Variants in CARMIL1 observed in about 807,000 individuals in gnomAD.
CARMIL1 encodes the protein capping protein regulator and myosin 1 linker 1.
Under a neutral mutation model 177.1 loss-of-function variants are expected in CARMIL1, and 90 were observed. The ratio of observed to expected loss-of-function variants is 0.51; its 90% CI spans 0.43 to 0.61. CARMIL1 has a LOEUF of 0.61. Among genes scored for constraint, CARMIL1 ranks in the 20% least tolerant of loss-of-function variants. The pLI is 0.00. For missense variants in CARMIL1, 1,380 were observed against 1,667.0 expected, an observed-to-expected ratio of 0.83 and a Z score of 3.00; for synonymous variants, 577 against 606.2, an observed-to-expected ratio of 0.95 and a Z score of 0.71.
At chr6:25,288,009 G>A (rs1198828280) in intron 2 of CARMIL1, among the ~76,000 whole-genome samples, 2 of 152,198 alleles carry the variant, frequency 1.3e-5, no homozygotes, top group Non-Finnish European at 2.9e-5. Context: ...TAGTTGGGGA[G>A]GTAAACATGT....
At chr6:25,589,650 G>C (rs759772482) in intron 31 of CARMIL1, among the ~76,000 whole-genome samples, 9 of 152,066 alleles carry the variant, frequency 5.9e-5, no homozygotes, top group Non-Finnish European at 1.2e-4. Context: ...ACCACACTCT[G>C]CTAATTTTTG....
rs74864210 is a variant in CARMIL1 at position 25,505,471 on chromosome 6, G to T, written c.1396-4185G>T. Among the ~76,000 whole-genome samples the T allele has an allele frequency of 9.3e-3, 1,415 of 151,958 alleles. 17 individuals are homozygous for T. Among genetic ancestry groups the T allele is most frequent in the African/African-American group, 0.029 (1,207 of 41,422 alleles). On this transcript the variant is annotated intron_variant, in intron 17 of 36. Coordinates refer to ENST00000329474, the MANE Select transcript of CARMIL1 (RefSeq NM_017640.6). The stretch of plus-strand genomic sequence containing the variant: ...CTTTCATTCTCTCTTTTTTTTAATT[G>T]AGACGAAGTTTTGCTCTGTCACCAA...
At chr6:25,303,820 T>A (rs1783057222) in intron 2 of CARMIL1, among the ~76,000 whole-genome samples, 1 of 152,210 alleles carries the variant, frequency 6.6e-6, no homozygotes, top group South Asian at 2.1e-4. Context: ...TTCAGCACTA[T>A]CTGTTTGTAA....
chr6:25,306,706 A>G (rs922825915), intron 2 of CARMIL1, among the ~76,000 whole-genome samples: 9 of 152,090 alleles, frequency 5.9e-5, no homozygotes, highest in African/African-American at 2.2e-4. Flanking sequence ...TGGACCTTTG[A>G]ATTGTTTTTA....
chr6:25,503,205 A>G (rs1379251140), intron 17 of CARMIL1, among the ~76,000 whole-genome samples: 2 of 152,230 alleles, frequency 1.3e-5, no homozygotes, highest in Non-Finnish European at 2.9e-5. Flanking sequence ...ATTATATGAT[A>G]AATTGATACT....
intron 19 of CARMIL1, 30 bp downstream of exon 19, chr6:25,510,636 A>G (rs1392412455): frequency 8.0e-6 from 12 of 1,506,934 alleles, no homozygotes; most frequent in East Asian, 2.5e-5. Context: ...TTATATGACA[A>G]TGATGAAAAT....
chr6:25,614,396 G>A (rs1387656357), intron 36 of CARMIL1, among the ~76,000 whole-genome samples: 3 of 152,162 alleles, frequency 2.0e-5, no homozygotes, highest in Non-Finnish European at 4.4e-5. Flanking sequence ...CCTATGTAGT[G>A]GATTTGTTTA....
chr6:25,285,429 T>C lies in CARMIL1; in HGVS notation c.138+520T>C, dbSNP rs1781450379. On this transcript the variant is annotated intron_variant, in intron 2 of 36. Coordinates refer to ENST00000329474, the MANE Select transcript of CARMIL1 (RefSeq NM_017640.6). ...GGAAACTCCTGCTGAAGGCAGTATCTGCTAGTGTTGCGACTGGACTTGGGG... is the reference window on the plus strand; with the variant it reads ...GGAAACTCCTGCTGAAGGCAGTATCCGCTAGTGTTGCGACTGGACTTGGGG... 2.6e-5 allele frequency among the ~76,000 whole-genome samples: 4 copies of C among 152,216 alleles called. No individual in the cohort carries two copies. The South Asian group carries it at 8.3e-4, about 32-fold the overall frequency.
chr6:25,318,026 G>T (rs923694018), intron 2 of CARMIL1, among the ~76,000 whole-genome samples: 1 of 152,160 alleles, frequency 6.6e-6, no homozygotes, highest in East Asian at 1.9e-4. Context: ...ATTTGTTTCT[G>T]TTTTATGAAC....
At chr6:25,522,673 G>A (rs1806690119) in intron 23 of CARMIL1, among the ~76,000 whole-genome samples, 1 of 152,136 alleles carries the variant, frequency 6.6e-6, no homozygotes, top group Non-Finnish European at 1.5e-5. Flanking sequence ...CATTGGCCTT[G>A]CAACATTGAT....
chr6:25,590,129 G>A (rs1259851504), intron 31 of CARMIL1, among the ~76,000 whole-genome samples: 1 of 152,176 alleles, frequency 6.6e-6, no homozygotes, highest in Admixed American at 6.5e-5. Flanking sequence ...GTCAACAAGA[G>A]CGAATAGACA....
intron 34 of CARMIL1, among the ~76,000 whole-genome samples, 193 bp downstream of exon 34, chr6:25,605,086 C>T (rs1381905953): frequency 6.6e-6 from 1 of 152,196 alleles, no homozygotes; most frequent in African/African-American, 2.4e-5. Flanking sequence ...TCCTGCCCCA[C>T]TGTAGCATTG....
At chr6:25,405,845 G>C (rs1386736562) in intron 2 of CARMIL1, among the ~76,000 whole-genome samples, 1 of 152,174 alleles carries the variant, frequency 6.6e-6, no homozygotes, top group African/African-American at 2.4e-5. Flanking sequence ...CAATTATGTG[G>C]TAGGCAGCAG....
intron 31 of CARMIL1, among the ~76,000 whole-genome samples, chr6:25,588,866 A>G: frequency 6.6e-6 from 1 of 152,200 alleles, no homozygotes; most frequent in East Asian, 1.9e-4. Flanking sequence ...TTTGTCCATG[A>G]TCATTCTCTG....
At chr6:25,329,872 T>C (rs1785449694) in intron 2 of CARMIL1, among the ~76,000 whole-genome samples, 2 of 152,226 alleles carry the variant, frequency 1.3e-5, no homozygotes, top group South Asian at 4.1e-4. Flanking sequence ...AGAAGTTATT[T>C]GCGAAGTTTT....
intron 2 of CARMIL1, among the ~76,000 whole-genome samples, chr6:25,297,923 C>T (rs1782549718): frequency 1.3e-5 from 2 of 152,112 alleles, no homozygotes. Context: ...CTTCTTTTTT[C>T]AATGTCTTTA....
chr6:25,599,834 T>C (rs1815218398), intron 32 of CARMIL1, among the ~76,000 whole-genome samples: 1 of 152,046 alleles, frequency 6.6e-6, no homozygotes, highest in African/African-American at 2.4e-5. Context: ...CTATCTTGAG[T>C]AATGGACCAT....
chr6:25,465,151 G>C (rs887011031), intron 8 of CARMIL1, among the ~76,000 whole-genome samples: 8 of 150,200 alleles, frequency 5.3e-5, no homozygotes, highest in African/African-American at 2.0e-4. Context: ...GCCACTTACT[G>C]TCAGGGTAGG....
At chr6:25,587,096 G>T (rs374510656) in intron 31 of CARMIL1, among the ~76,000 whole-genome samples, 1 of 151,642 alleles carries the variant, frequency 6.6e-6, no homozygotes, top group East Asian at 1.9e-4. Flanking sequence ...AGGAAACTAG[G>T]CACAAAAATT....
Sources: allele counts gnomAD v4.1 joint callset (sites outside exome capture counted in the v4.1 genomes callset), GRCh38; gene constraint gnomAD v4.1.1; transcripts MANE v1.5; gene names NCBI Gene and HGNC (gene_info 2026-07-23, HGNC 2026-07-21).